Variants in PCDHGB3 observed in about 807,000 individuals in gnomAD.
PCDHGB3 encodes protocadherin gamma-B3.
A neutral mutation model predicts 59.2 loss-of-function variants in PCDHGB3; 40 were observed. The observed-to-expected ratio is 0.68, with a 90% confidence interval of 0.52 to 0.88. The LOEUF is 0.88. Among genes scored for constraint, PCDHGB3 ranks in the 40% least tolerant of loss-of-function variants. The pLI is 0.00. For missense variants in PCDHGB3, 1,309 were observed against 1,187.9 expected, an observed-to-expected ratio of 1.10 and a Z score of -1.50; for synonymous variants, 581 against 503.6, an observed-to-expected ratio of 1.15 and a Z score of -2.06.
Position 141,489,956 on chromosome 5 carries a change from C to CTCCAACCT in PCDHGB3, c.2416-4845_2416-4838dup, listed in dbSNP as rs1176419823. Reference sequence around the variant, plus strand: ...ATCGTGCTGGACATCAATGATAATGCTCCAACCTTCCAATCCTCAGTTCTA... The same window carrying CTCCAACCT: ...ATCGTGCTGGACATCAATGATAATGCTCCAACCTTCCAACCTTCCAATCCTCAGTTCTA... On this transcript the variant is annotated intron_variant, in intron 1 of 3. Coordinates refer to ENST00000576222, the MANE Select transcript of PCDHGB3 (RefSeq NM_018924.5). The surrounding 1 kb of genome is among the most constrained non-coding windows in gnomAD (Gnocchi z 4.5). 16 of 1,614,012 alleles carry CTCCAACCT rather than the reference C, an allele frequency of 9.9e-6. No individual in the cohort carries two copies. The highest frequency in any genetic ancestry group is 1.4e-5 in the Non-Finnish European group (16 of 1,179,974).
chr5:141,480,970 A>C (rs1189003084), intron 1 of PCDHGB3, among the ~76,000 whole-genome samples: 1 of 152,120 alleles, frequency 6.6e-6, no homozygotes, highest in Non-Finnish European at 1.5e-5. Flanking sequence ...AGTGAGGGAG[A>C]ATCAGTGAAC....
At chr5:141,439,029 G>A (rs2098083069) in intron 1 of PCDHGB3, among the ~76,000 whole-genome samples, 1 of 151,510 alleles carries the variant, frequency 6.6e-6, no homozygotes, top group Non-Finnish European at 1.5e-5. Flanking sequence ...GAAAATAGAT[G>A]CCTCAGTTCA....
At chr5:141,439,207 C>A (rs1003519997) in intron 1 of PCDHGB3, among the ~76,000 whole-genome samples, 1 of 149,828 alleles carries the variant, frequency 6.7e-6, no homozygotes, top group Non-Finnish European at 1.5e-5. Context: ...AAAAAAAAAT[C>A]CATATGTGAA....
At position 141,489,876 on chromosome 5, in the gene PCDHGB3, T is replaced by C. The variant is rs2099693265; in HGVS notation, c.2416-4931T>C. ...CCCAGGCAAGACATCAGCTGGTGCT[T>C]ACTGCTGTGGATGGGGGGACCCCAG... On this transcript the variant is annotated intron_variant, in intron 1 of 3. Transcript: ENST00000576222. This position sits in a 1 kb window ranked among gnomAD's most constrained non-coding sequence, Gnocchi z 4.5. The C allele has an allele frequency of 6.2e-7, 1 of 1,614,098 alleles. No homozygotes were observed. The highest frequency in any genetic ancestry group is 1.1e-5 in the South Asian group (1 of 91,094).
intron 1 of PCDHGB3, chr5:141,398,763 G>C (rs767181565): frequency 3.7e-6 from 6 of 1,613,788 alleles, no homozygotes; most frequent in Non-Finnish European, 5.1e-6. Flanking sequence ...GTTTAGTCCT[G>C]ACTGCCTTGG....
chr5:141,385,276 A>T (rs1315773619), intron 1 of PCDHGB3: 3 of 1,613,446 alleles, frequency 1.9e-6, no homozygotes, highest in Non-Finnish European at 2.5e-6. Context: ...TTCTTTGCTA[A>T]CATCCGTAGA....
At chr5:141,399,708 A>C (rs769072460) in intron 1 of PCDHGB3, 50 of 1,613,374 alleles carry the variant, frequency 3.1e-5, no homozygotes, top group Non-Finnish European at 4.2e-5. Context: ...TCGAACTCAC[A>C]CTACAGGCCC....
chr5:141,383,004 G>A, intron 1 of PCDHGB3: 1 of 1,613,698 alleles, frequency 6.2e-7, no homozygotes, highest in Non-Finnish European at 8.5e-7. Flanking sequence ...TCTACTCCGT[G>A]TCGGAGGAGA....
At chr5:141,437,197 G>A (rs535640562) in intron 1 of PCDHGB3, among the ~76,000 whole-genome samples, 69 of 152,330 alleles carry the variant, frequency 4.5e-4, no homozygotes, top group Non-Finnish European at 7.8e-4. Flanking sequence ...GGGTTTGGAT[G>A]TGTTTACATT....
intron 1 of PCDHGB3, chr5:141,400,577 T>G: frequency 6.2e-7 from 1 of 1,611,914 alleles, no homozygotes; most frequent in East Asian, 2.2e-5. Flanking sequence ...TTTTCTGTAT[T>G]TACATGAAAC....
chr5:141,463,965 C>T (rs1207852177), intron 1 of PCDHGB3, among the ~76,000 whole-genome samples: 1 of 151,648 alleles, frequency 6.6e-6, no homozygotes, highest in African/African-American at 2.4e-5. Context: ...AAAATAGCTT[C>T]ATAAAACTCC....
At position 141,491,098 on chromosome 5, in the gene PCDHGB3, C is replaced by A. The variant is rs1283499077; in HGVS notation, c.2416-3709C>A. ...ACAGTCCACAGCCCCAGGACTGTTC[C>A]TCGTGTCTACACACACTGGTGAGGT... On this transcript the variant is annotated intron_variant, in intron 1 of 3. Coordinates refer to ENST00000576222, the MANE Select transcript of PCDHGB3 (RefSeq NM_018924.5). This position sits in a 1 kb window ranked among gnomAD's most constrained non-coding sequence, Gnocchi z 6.9. 6.2e-7 allele frequency: 1 copy of A among 1,614,216 alleles called. No individual in the cohort carries two copies. Among genetic ancestry groups the A allele is most frequent in the Non-Finnish European group, 8.5e-7 (1 of 1,180,038 alleles).
At chr5:141,377,906 C>G (rs777974750) in intron 1 of PCDHGB3, 1 of 152,162 alleles carries the variant, frequency 6.6e-6, no homozygotes, top group East Asian at 1.9e-4. Context: ...GTTGCCCAGT[C>G]TGGAGTAAAA....
Position 141,419,652 on chromosome 5 carries a change from C to T in PCDHGB3, c.2415+46843C>T, listed in dbSNP as rs563445438. 15 of 1,612,592 alleles carry T rather than the reference C, an allele frequency of 9.3e-6. 1 individual carries two copies. In the Admixed American group the frequency reaches 1.3e-4, roughly 14 times the overall value. On this transcript the variant is annotated intron_variant, in intron 1 of 3. Transcript: ENST00000576222. ...AAGGTGGTGGCCGTGGACGCGGACT[C>T]GGGGCACAATGCCTGGCTGTCCTAC... is the stretch of plus-strand genomic sequence containing the variant.
intron 1 of PCDHGB3, chr5:141,422,639 C>T (rs777330051): frequency 3.7e-6 from 6 of 1,612,780 alleles, no homozygotes; most frequent in South Asian, 2.2e-5. Flanking sequence ...AGGGGTGCCT[C>T]CATCTTCTCA....
chr5:141,410,224 C>T, intron 1 of PCDHGB3: 2 of 1,614,028 alleles, frequency 1.2e-6, no homozygotes, highest in Non-Finnish European at 8.5e-7. Context: ...TACTGCCAGA[C>T]CTCAGCGACC....
intron 1 of PCDHGB3, chr5:141,422,988 C>T: frequency 6.2e-7 from 1 of 1,614,232 alleles, no homozygotes; most frequent in Non-Finnish European, 8.5e-7. Context: ...AACCTGGCTA[C>T]CTGGTGACCA....
At chr5:141,492,026 G>T in intron 1 of PCDHGB3, 1 of 567,198 alleles carries the variant, frequency 1.8e-6, no homozygotes, top group Non-Finnish European at 3.0e-6. Flanking sequence ...GGGGTCCCGG[G>T]AGGAGGCAGT....
rs1301800438 is a variant in PCDHGB3, at chr5:141,432,966, C to T, written c.2415+60157C>T. ...TCAGGAGGCGGCTTGACAGGAGCGC[C>T]GGCGTCGCACTTTGTGGGCGTGGAC... On this transcript the variant is annotated intron_variant, in intron 1 of 3. Coordinates refer to ENST00000576222, the MANE Select transcript of PCDHGB3 (RefSeq NM_018924.5). This position sits in a 1 kb window ranked among gnomAD's most constrained non-coding sequence, Gnocchi z 6.0. 1.2e-6 allele frequency: 2 copies of T among 1,614,066 alleles called. No homozygotes were observed. The highest frequency in any genetic ancestry group is 8.5e-7 in the Non-Finnish European group (1 of 1,180,052).
Sources: allele counts gnomAD v4.1 joint callset (sites outside exome capture counted in the v4.1 genomes callset), GRCh38; gene constraint gnomAD v4.1.1; non-coding constraint Gnocchi (gnomAD v3.1); transcripts MANE v1.5; gene names NCBI Gene and HGNC (gene_info 2026-07-23, HGNC 2026-07-21).